Variants in SMG1 observed in about 807,000 individuals in gnomAD.
SMG1 encodes SMG1 nonsense mediated mRNA decay associated PI3K related kinase, also known as serine/threonine-protein kinase SMG1.
In SMG1, 22 loss-of-function variants were observed where a neutral mutation model predicts 419.9. That is an observed-to-expected ratio of 0.05 (90% CI 0.04 to 0.07). SMG1 has a LOEUF of 0.07. Ranked by LOEUF, SMG1 falls within the 10% of genes least tolerant of loss-of-function variation. The pLI, the probability that SMG1 is intolerant of heterozygous loss-of-function variation, is 1.00. For missense variants in SMG1, 3,185 were observed against 4,342.0 expected (o/e 0.73, Z 7.49); for synonymous variants, 1,538 against 1,553.5 (o/e 0.99, Z 0.23).
intron 10 of SMG1, among the ~76,000 whole-genome samples, chr16:18,880,506 A>G (rs2036334316): frequency 1.3e-5 from 2 of 152,062 alleles, no homozygotes; most frequent in African/African-American, 4.8e-5. Flanking sequence ...TGAGTCCAGG[A>G]GTTTGAGACC....
chr16:18,815,786 T>C (rs779653861), intron 58 of SMG1, 135 bp from the exon 59 acceptor site: 6 of 647,744 alleles, frequency 9.3e-6, no homozygotes, highest in African/African-American at 3.7e-5. Context: ...ACTCCATTTT[T>C]ATAGGAACTT....
At chr16:18,833,204 G>A in intron 50 of SMG1, 38 bp from the exon 51 acceptor site, 3 of 1,540,682 alleles carry the variant, frequency 1.9e-6, no homozygotes, top group Non-Finnish European at 2.7e-6. Context: ...AATGTTTTTT[G>A]AGTTTAGCTA....
intron 12 of SMG1, 148 bp downstream of exon 12, chr16:18,876,983 A>C: frequency 1.8e-6 from 1 of 566,818 alleles, no homozygotes. Flanking sequence ...CAAGAAATAC[A>C]AACTTAAAAG....
In SMG1 at chr16:18,842,306, C is replaced by T. The variant is rs1374953423; in HGVS notation, c.6368G>A (p.Ser2123Asn). 3 of 1,613,884 alleles carry T rather than the reference C, an allele frequency of 1.9e-6. No individual in the cohort carries two copies. Among genetic ancestry groups the T allele is most frequent in the South Asian group, 1.1e-5 (1 of 91,090 alleles). The change falls in exon 40 of 63, where the codon AGT (serine) becomes AAT (asparagine). Residue 2123 changes from serine (S) to asparagine (N), a missense_variant. By Grantham distance (46) the Ser-to-Asn change is conservative (BLOSUM62 1). Around this residue, in one of 27 missense-constraint regions of SMG1, gnomAD observed 159 missense variants for 196.0 expected, o/e 0.81. Transcript: ENST00000446231. Reference protein sequence around the residue: ...VSARDTVTIHSVGGTITILPT... With the variant: ...VSARDTVTIHNVGGTITILPT... ...TAAGATTGTGATGGTTCCGCCCACACTATGGATTGTGACAGTGTCTCTGGC... is the reference window on the plus strand; with the variant it reads ...TAAGATTGTGATGGTTCCGCCCACATTATGGATTGTGACAGTGTCTCTGGC...
chr16:18,818,567 T>C (rs998134988), intron 56 of SMG1, among the ~76,000 whole-genome samples: 5 of 152,144 alleles, frequency 3.3e-5, no homozygotes, highest in Admixed American at 6.5e-5. Flanking sequence ...AATAGGTATA[T>C]ACTGAAAAAT....
At chr16:18,843,134 T>G (rs750855649) in intron 39 of SMG1, among the ~76,000 whole-genome samples, 1 of 152,166 alleles carries the variant, frequency 6.6e-6, no homozygotes. Context: ...GTCCTTGCAA[T>G]AGGTACAGCT....
intron 51 of SMG1, among the ~76,000 whole-genome samples, chr16:18,831,806 T>C (rs1037599851): frequency 6.8e-6 from 1 of 147,086 alleles, no homozygotes; most frequent in Admixed American, 6.8e-5. Context: ...CACACGTACA[T>C]ATTTATGAAT....
At chr16:18,867,909 T>C (rs1324393284) in intron 22 of SMG1, among the ~76,000 whole-genome samples, 3 of 151,824 alleles carry the variant, frequency 2.0e-5, no homozygotes, top group Non-Finnish European at 4.4e-5. Context: ...GGGGTTTCAC[T>C]GTGTTAGCCA....
In SMG1 at chr16:18,837,458, T is replaced by G. The variant is rs925083589; in HGVS notation, c.7414-15A>C. On this transcript the variant is annotated splice_polypyrimidine_tract_variant and intron_variant, in intron 45 of 62. Coordinates refer to ENST00000446231, the MANE Select transcript of SMG1 (RefSeq NM_015092.5). ...AACCAGTTCACCTGTAAAAAGATAT[T>G]ACGATTAAGAAGACTCTTACAGGGC... The G allele has an allele frequency of 3.1e-6, 5 of 1,605,316 alleles. No homozygotes were observed. Among genetic ancestry groups the G allele is most frequent in the Non-Finnish European group, 4.3e-6 (5 of 1,175,314 alleles).
intron 6 of SMG1, among the ~76,000 whole-genome samples, chr16:18,888,891 C>T (rs1031902762): frequency 1.7e-4 from 25 of 143,358 alleles, no homozygotes; most frequent in Middle Eastern, 4.0e-3. Context: ...GGCGTGATCT[C>T]GACTCACTGC....
At chr16:18,920,988 A>C (rs1184559367) in intron 1 of SMG1, among the ~76,000 whole-genome samples, 1 of 152,020 alleles carries the variant, frequency 6.6e-6, no homozygotes, top group Non-Finnish European at 1.5e-5. Context: ...AAACACAAAA[A>C]TTAGCCGGGC....
At chr16:18,875,179 A>G (rs551967301) in intron 13 of SMG1, 2 of 152,742 alleles carry the variant, frequency 1.3e-5, no homozygotes, top group South Asian at 2.1e-4. Context: ...ACATGAGATC[A>G]GGTGTGGGAT....
intron 50 of SMG1, among the ~76,000 whole-genome samples, chr16:18,833,522 T>C (rs1027974409): frequency 2.0e-5 from 3 of 152,002 alleles, no homozygotes; most frequent in Admixed American, 6.6e-5. Flanking sequence ...ATTAGCATTG[T>C]TATTCTCTTT....
In SMG1 at chr16:18,869,067, T is replaced by C. The variant is rs368803952; in HGVS notation, c.2833+37A>G. On this transcript the variant is annotated intron_variant, in intron 20 of 62. Coordinates refer to ENST00000446231, the MANE Select transcript of SMG1 (RefSeq NM_015092.5). The stretch of plus-strand genomic sequence containing the variant: ...GAATCCAGTATTTCTTAATAAGGCT[T>C]TGAAAGTATTCACATCACAAAGCTT... 7.2e-5 allele frequency: 110 copies of C among 1,525,800 alleles called. 1 individual carries two copies. The African/African-American group carries it at 1.4e-3, about 19-fold the overall frequency. 94.5% of individuals were successfully genotyped at this position (1,525,800 alleles called of 1,614,324 possible).
rs1250744368 is a variant in SMG1, at chr16:18,808,519, G to A, written c.*1050C>T. On this transcript the variant is annotated 3_prime_UTR_variant, in exon 63 of 63. Transcript: ENST00000446231. ...ATACTCTATCTTGGTTTTTAAAAAG[G>A]TAAAAGATTACACTGGATTAGCTAC... 6.6e-6 allele frequency: 1 copy of A among 152,030 alleles called. No homozygotes were observed. The highest frequency in any genetic ancestry group is 1.5e-5 in the Non-Finnish European group (1 of 68,020). The allele number at this position is 152,030 out of a possible 1,614,324, so 9.4% of individuals were successfully genotyped here. A position where few individuals can be genotyped will look rare whatever the true frequency, so the allele number is the denominator to read the frequency against.
intron 1 of SMG1, among the ~76,000 whole-genome samples, chr16:18,916,513 CAAAAAAAA>C (rs59985733): frequency 5.8e-5 from 4 of 68,946 alleles, no homozygotes; most frequent in East Asian, 7.5e-4. Flanking sequence ...GACTCCATCT[CAAAAAAAA>C]AAAAAAAAAA....
intron 1 of SMG1, chr16:18,925,038 T>G (rs2038338315): frequency 6.6e-6 from 1 of 152,164 alleles, no homozygotes; most frequent in Non-Finnish European, 1.5e-5. Flanking sequence ...TTCTGTATAT[T>G]TAAGGAGTTC....
Position 18,849,856 on chromosome 16 carries a change from A to G in SMG1, c.5461+93T>C, listed in dbSNP as rs960627257. 7 of 1,228,576 alleles carry G rather than the reference A, an allele frequency of 5.7e-6. No individual in the cohort carries two copies. The African/African-American group carries it at 9.1e-5, about 16-fold the overall frequency. The allele number at this position is 1,228,576 out of a possible 1,614,324, so 76.1% of individuals were successfully genotyped here. On this transcript the variant is annotated intron_variant, in intron 35 of 62. Coordinates refer to ENST00000446231, the MANE Select transcript of SMG1 (RefSeq NM_015092.5). ...GTTAATCTGGCTATTCTTTTTACAC[A>G]TTCAAATAATAAACATAAGGAAACC...
At chr16:18,893,949 C>A (rs184092737) in intron 3 of SMG1, among the ~76,000 whole-genome samples, 1 of 151,936 alleles carries the variant, frequency 6.6e-6, no homozygotes, top group Non-Finnish European at 1.5e-5. Flanking sequence ...CCCAGCTACT[C>A]GGGAGGCTGA....
Sources: allele counts gnomAD v4.1 joint callset (sites outside exome capture counted in the v4.1 genomes callset), GRCh38; gene constraint gnomAD v4.1.1; regional missense constraint gnomAD v4.1.1; transcripts MANE v1.5; gene names NCBI Gene and HGNC (gene_info 2026-07-23, HGNC 2026-07-21).